TTBK2: variants seen among roughly 807,000 people sequenced by gnomAD.
TTBK2 encodes the protein tau tubulin kinase 2.
Under a neutral mutation model 110.8 loss-of-function variants are expected in TTBK2, and 28 were observed. The ratio of observed to expected loss-of-function variants is 0.25; its 90% CI spans 0.19 to 0.35. The LOEUF (loss-of-function observed/expected upper bound fraction) is 0.35, where lower values mean the gene tolerates loss of function less well. Among genes scored for constraint, TTBK2 ranks in the 10% least tolerant of loss-of-function variants. The probability of loss-of-function intolerance (pLI) is 1.00; values close to 1 mark genes in which losing one functional copy is unlikely to be tolerated. For synonymous variants in TTBK2, 532 were observed against 527.3 expected, an observed-to-expected ratio of 1.01 and a Z score of -0.12; for missense variants, 1,369 against 1,500.3, an observed-to-expected ratio of 0.91 and a Z score of 1.45.
At chr15:42,875,736 G>A (rs969258671) in intron 2 of TTBK2, among the ~76,000 whole-genome samples, 4 of 151,798 alleles carry the variant, frequency 2.6e-5, no homozygotes, top group East Asian at 1.9e-4. Flanking sequence ...GCAAAACCCC[G>A]TCTCTACTAA....
chr15:42,786,403 T>G (rs1009430797), intron 10 of TTBK2, among the ~76,000 whole-genome samples: 9 of 152,180 alleles, frequency 5.9e-5, no homozygotes, highest in African/African-American at 2.2e-4. Flanking sequence ...TTGAAAGAAT[T>G]CCCTCTATTC....
intron 2 of TTBK2, among the ~76,000 whole-genome samples, chr15:42,873,572 A>T (rs545450922): frequency 3.5e-4 from 53 of 152,286 alleles, no homozygotes; most frequent in African/African-American, 1.2e-3. Flanking sequence ...TTCACTATAC[A>T]TCTATTTATT....
chr15:42,812,644 G>A (rs1419791869), intron 7 of TTBK2, among the ~76,000 whole-genome samples: 2 of 152,050 alleles, frequency 1.3e-5, no homozygotes, highest in African/African-American at 2.4e-5. Flanking sequence ...GTCAAAAGAA[G>A]CTACAAAGAG....
intron 3 of TTBK2, among the ~76,000 whole-genome samples, chr15:42,870,768 G>A (rs1205235774): frequency 6.6e-6 from 1 of 151,028 alleles, no homozygotes. Flanking sequence ...GGCTGAGGCA[G>A]GAGAATCGCT....
chr15:42,917,684 CAAA>C (rs145784296), intron 1 of TTBK2, among the ~76,000 whole-genome samples: 1 of 111,716 alleles, frequency 9.0e-6, no homozygotes, highest in African/African-American at 3.4e-5. Context: ...TGCTGGATGA[CAAA>C]AAAAAAAAAG....
intron 1 of TTBK2, among the ~76,000 whole-genome samples, chr15:42,884,152 C>T (rs1049482080): frequency 1.3e-5 from 2 of 152,044 alleles, no homozygotes; most frequent in African/African-American, 2.4e-5. Flanking sequence ...CAGACAAATC[C>T]GTGGTTATAA....
intron 3 of TTBK2, among the ~76,000 whole-genome samples, chr15:42,849,798 T>C (rs1473613106): frequency 6.6e-6 from 1 of 152,190 alleles, no homozygotes; most frequent in Non-Finnish European, 1.5e-5. Flanking sequence ...AGTCCATATA[T>C]GCTGTTTAGG....
chr15:42,783,202 T>C (rs548329003), intron 11 of TTBK2, among the ~76,000 whole-genome samples: 32 of 152,222 alleles, frequency 2.1e-4, no homozygotes, highest in African/African-American at 7.5e-4. Flanking sequence ...GGGAGGTAAT[T>C]AGGTCAAGAA....
At chr15:42,798,388 T>C (rs1005468696) in intron 9 of TTBK2, 3 of 429,364 alleles carry the variant, frequency 7.0e-6, no homozygotes, top group African/African-American at 2.1e-5. Flanking sequence ...AGTATACATC[T>C]GACTCCTTAT....
intron 4 of TTBK2, among the ~76,000 whole-genome samples, chr15:42,835,744 AAAG>A (rs1353188209): frequency 6.6e-6 from 1 of 152,174 alleles, no homozygotes; most frequent in African/African-American, 2.4e-5. Flanking sequence ...TTAAGAAAAA[AAAG>A]AGTTCTTGTC....
intron 3 of TTBK2, among the ~76,000 whole-genome samples, chr15:42,868,986 C>G (rs1250515810): frequency 6.6e-6 from 1 of 152,052 alleles, no homozygotes; most frequent in East Asian, 1.9e-4. Flanking sequence ...TTCAGAAGTA[C>G]TGATGGTTCC....
At chr15:42,849,978 G>A (rs1358104953) in intron 3 of TTBK2, among the ~76,000 whole-genome samples, 1 of 152,146 alleles carries the variant, frequency 6.6e-6, no homozygotes, top group African/African-American at 2.4e-5. Flanking sequence ...ACTCTGCAGA[G>A]TACTTCCCAT....
intron 9 of TTBK2, among the ~76,000 whole-genome samples, chr15:42,806,426 T>C (rs1279319180): frequency 5.3e-5 from 8 of 152,220 alleles, no homozygotes; most frequent in Non-Finnish European, 7.3e-5. Context: ...ACAAATTGGA[T>C]CACCATGCTC....
intron 9 of TTBK2, among the ~76,000 whole-genome samples, chr15:42,808,647 G>C (rs1471984922): frequency 1.3e-5 from 2 of 151,714 alleles, no homozygotes; most frequent in Non-Finnish European, 2.9e-5. Flanking sequence ...GCCAGTTTGA[G>C]ACCTGCTTGG....
At chr15:42,846,351 G>A (rs1256737647) in intron 3 of TTBK2, among the ~76,000 whole-genome samples, 12 of 151,754 alleles carry the variant, frequency 7.9e-5, no homozygotes, top group African/African-American at 2.4e-4. Flanking sequence ...CACCATGCCC[G>A]GCTAATTTTT....
At position 42,756,918 on chromosome 15, in the gene TTBK2, A is replaced by AAT. The variant is rs542482143; in HGVS notation, c.1999-3673_1999-3672dup. On this transcript the variant is annotated intron_variant, in intron 13 of 14. Transcript: ENST00000267890. The stretch of plus-strand genomic sequence containing the variant: ...AAAACACCAAAGCAACAACAATAAA[A>AAT]ATATATATGAATCACCAGATGGGAG... Among the ~76,000 whole-genome samples the AAT allele has an allele frequency of 8.5e-5, 13 of 152,174 alleles. No individual in the cohort carries two copies. In the South Asian group the frequency reaches 2.3e-3, roughly 27 times the overall value.
chr15:42,890,151 T>C (rs1372742737), intron 1 of TTBK2, among the ~76,000 whole-genome samples: 2 of 152,152 alleles, frequency 1.3e-5, no homozygotes, highest in Non-Finnish European at 2.9e-5. Context: ...CCCTTGAGAA[T>C]GTACTTTGTG....
Position 42,878,699 on chromosome 15 carries a change from AC to A in TTBK2, c.-67-16del. 1 of 1,610,152 alleles carries A rather than the reference AC, an allele frequency of 6.2e-7. No individual in the cohort carries two copies. Among genetic ancestry groups the A allele is most frequent in the Non-Finnish European group, 8.5e-7 (1 of 1,178,640 alleles). ...TTCCATTTAACCTAAAACAACAACA[AC>A]AAAAAATAGTAGCAGTATTTAGGGT... On this transcript the variant is annotated splice_polypyrimidine_tract_variant and intron_variant, in intron 1 of 14. Transcript: ENST00000267890.
intron 3 of TTBK2, among the ~76,000 whole-genome samples, chr15:42,862,615 G>A (rs988145219): frequency 1.6e-4 from 25 of 152,264 alleles, no homozygotes; most frequent in African/African-American, 5.3e-4. Context: ...ATGGCCAGGC[G>A]CGGTGGCTCA....
Sources: gnomAD v4.1 joint callset for allele counts (sites outside exome capture counted in the v4.1 genomes callset) on GRCh38, gnomAD v4.1.1 for gene constraint, MANE v1.5 for transcripts, NCBI Gene and HGNC (gene_info 2026-07-23, HGNC 2026-07-21) for gene names.